Variants in ASNSD1 observed in about 807,000 individuals in gnomAD.
ASNSD1 encodes asparagine synthetase domain-containing protein 1.
A neutral mutation model predicts 48.3 loss-of-function variants in ASNSD1; 36 were observed. The ratio of observed to expected loss-of-function variants is 0.75; its 90% CI spans 0.57 to 0.99. The LOEUF is 0.99. ASNSD1 is among the 50% of genes least tolerant of loss of function. The pLI is 0.00. For missense variants in ASNSD1, 714 were observed against 758.2 expected (o/e 0.94, Z 0.69); for synonymous variants, 257 against 262.1 (o/e 0.98, Z 0.19).
At position 189,670,460 on chromosome 2, in the gene ASNSD1, A is replaced by G. The variant is rs374317961; in HGVS notation, c.1666A>G (p.Asn556Asp). The G allele has an allele frequency of 4.5e-5, 73 of 1,610,002 alleles. No homozygotes were observed. The highest frequency in any genetic ancestry group is 5.7e-5 in the Non-Finnish European group (67 of 1,177,842). ...TTTTAGATTTCCTTTCCTGGATGAA[A>G]ATGTTGTCTCCTTTCTAAATTCTCT... ...KEARFPFLDE[N>D]VVSFLNSLPI... Residue 556 changes from asparagine (N) to aspartate (D), a missense_variant, in exon 6 of 6, where the codon AAT (asparagine) becomes GAT (aspartate). Coordinates refer to ENST00000260952, the MANE Select transcript of ASNSD1 (RefSeq NM_019048.4).
In ASNSD1 at chr2:189,667,160, T is replaced by C; in HGVS notation, c.1028T>C (p.Ile343Thr). 1.2e-6 allele frequency: 2 copies of C among 1,614,224 alleles called. No homozygotes were observed. Reference sequence around the variant, plus strand: ...ATTGCAACCCTTGCTGACCGTCATATTCCTTTAGATGAACCAATTGATCTT... The same window carrying C: ...ATTGCAACCCTTGCTGACCGTCATACTCCTTTAGATGAACCAATTGATCTT... ...MVIATLADRH[I>T]PLDEPIDLLN... The change falls in exon 4 of 6, where the codon ATT becomes ACT. Residue 343 changes from isoleucine to threonine, a missense_variant. Physicochemically the swap from Ile to Thr is moderately conservative, Grantham distance 89. Transcript: ENST00000260952.
intron 3 of ASNSD1, 143 bp from the exon 4 acceptor site, chr2:189,665,898 T>G (rs887856261): frequency 4.8e-6 from 2 of 420,304 alleles, no homozygotes. Context: ...AGTAGCCTGT[T>G]GTTAATTATC....
In ASNSD1 at chr2:189,666,762, A is replaced by G. The variant is rs548573736; in HGVS notation, c.630A>G (p.Glu210=). 1 of 1,613,856 alleles carries G rather than the reference A, an allele frequency of 6.2e-7. No homozygotes were observed. ...KYISRENIIE[E]NVNSLSQISA... is the part of the protein sequence containing the mutation. ...TTTCTAGGGAGAATATTATTGAAGA[A>G]AATGTTAATAGCCTGAGTCAAATTT... The change falls in exon 4 of 6, where the codon GAA becomes GAG. Residue 210 remains glutamate, a synonymous_variant. Coordinates refer to ENST00000260952, the MANE Select transcript of ASNSD1 (RefSeq NM_019048.4).
At chr2:189,662,932 G>T in intron 1 of ASNSD1, among the ~76,000 whole-genome samples, 1 of 115,234 alleles carries the variant, frequency 8.7e-6, no homozygotes, top group East Asian at 2.7e-4. Flanking sequence ...CTGGGTAACA[G>T]AGCAAGACCC....
chr2:189,670,648 A>G lies in ASNSD1; in HGVS notation c.1854A>G (p.Glu618=). Reference sequence around the variant, plus strand: ...TTGCAAAAATGGAAAAAATTAATGAAAAGGCATCTGATAAATGTGGACGGC... The same window carrying G: ...TTGCAAAAATGGAAAAAATTAATGAGAAGGCATCTGATAAATGTGGACGGC... ...SRIAKMEKIN[E]KASDKCGRLQ... is the part of the protein sequence containing the mutation. Residue 618 remains glutamate (E), a synonymous_variant, in exon 6 of 6, where the codon GAA becomes GAG. Transcript: ENST00000260952. The G allele has an allele frequency of 6.2e-7, 1 of 1,613,962 alleles. No individual in the cohort carries two copies. The highest frequency in any genetic ancestry group is 8.5e-7 in the Non-Finnish European group (1 of 1,179,914).
chr2:189,667,995 G>A, intron 5 of ASNSD1, 50 bp downstream of exon 5: 1 of 1,526,822 alleles, frequency 6.5e-7, no homozygotes, highest in Non-Finnish European at 8.9e-7. Context: ...AAAAACAGCA[G>A]AGTGTAAATG....
rs746742216 is a variant in ASNSD1, at chr2:189,663,035, G to A, written c.-222-866G>A. 4.4e-4 allele frequency among the ~76,000 whole-genome samples: 66 copies of A among 151,472 alleles called. No individual in the cohort carries two copies. The Middle Eastern group carries it at 0.014, about 32-fold the overall frequency. ...TAAAAAGAGGGAAAAATACCAAGAT[G>A]GAACATGATAGGTCTTACTGTCCCC... is the stretch of plus-strand genomic sequence containing the variant. On this transcript the variant is annotated intron_variant, in intron 1 of 5. Transcript: ENST00000260952.
chr2:189,666,067 T>C lies in ASNSD1; in HGVS notation c.-66T>C, dbSNP rs1234763735. 15 of 1,447,000 alleles carry C rather than the reference T, an allele frequency of 1.0e-5. No individual in the cohort carries two copies. In the East Asian group the frequency reaches 3.5e-4, roughly 34 times the overall value. The allele number at this position is 1,447,000 out of a possible 1,614,324, so 89.6% of individuals were successfully genotyped here. A position where few individuals can be genotyped will look rare whatever the true frequency, so the allele number is the denominator to read the frequency against. On this transcript the variant is annotated 5_prime_UTR_variant, in exon 4 of 6. Coordinates refer to ENST00000260952, the MANE Select transcript of ASNSD1 (RefSeq NM_019048.4). ...TATATTGGATGAACTGAAAAAAGAA[T>C]ACCAAGAAATAGAAAACTTAGACAA...
In ASNSD1 at chr2:189,666,804, A is replaced by T; in HGVS notation, c.672A>T (p.Ala224=). The stretch of plus-strand genomic sequence containing the variant: ...GTCAAATTTCAGCAGACTTACCAGC[A>T]TTTGTATCAGTGGTAGCAAATGAAG... ...SLSQISADLP[A]FVSVVANEAK... The change falls in exon 4 of 6, where the codon GCA becomes GCT. Residue 224 remains alanine, a synonymous_variant. Transcript: ENST00000260952. The T allele has an allele frequency of 6.2e-7, 1 of 1,614,124 alleles. No individual in the cohort carries two copies. The highest frequency in any genetic ancestry group is 8.5e-7 in the Non-Finnish European group (1 of 1,179,960).
At chr2:189,669,514 G>A (rs919890498) in intron 5 of ASNSD1, among the ~76,000 whole-genome samples, 1 of 152,218 alleles carries the variant, frequency 6.6e-6, no homozygotes, top group African/African-American at 2.4e-5. Flanking sequence ...CATATTAACA[G>A]TAGTGTGTTG....
chr2:189,666,468 C>T lies in ASNSD1; in HGVS notation c.336C>T (p.Phe112=), dbSNP rs188664014. 330 of 1,613,784 alleles carry T rather than the reference C, an allele frequency of 2.0e-4. 2 individuals are homozygous for T. The East Asian group carries it at 6.0e-3, about 30-fold the overall frequency. Residue 112 remains phenylalanine (F), a synonymous_variant, in exon 4 of 6, where the codon TTC becomes TTT. Coordinates refer to ENST00000260952, the MANE Select transcript of ASNSD1 (RefSeq NM_019048.4). Reference sequence around the variant, plus strand: ...ATGAATCTGAGATTTTGTCACTCTTCTCAGAAGTACAAGGTCCCTGGTCAT... The same window carrying T: ...ATGAATCTGAGATTTTGTCACTCTTTTCAGAAGTACAAGGTCCCTGGTCAT... The part of the protein sequence containing the change: ...CKNESEILSL[F]SEVQGPWSFI...
chr2:189,664,129 A>G (rs2032734126), intron 2 of ASNSD1, among the ~76,000 whole-genome samples, 175 bp downstream of exon 2: 1 of 152,208 alleles, frequency 6.6e-6, no homozygotes, highest in Non-Finnish European at 1.5e-5. Context: ...GATAGATCTC[A>G]TAGCTGAAGA....
intron 5 of ASNSD1, among the ~76,000 whole-genome samples, chr2:189,669,815 C>G (rs748440034): frequency 7.2e-5 from 11 of 151,946 alleles, no homozygotes; most frequent in Non-Finnish European, 1.2e-4. Context: ...GGAAAAAAAT[C>G]TAATATTTTG....
chr2:189,667,473 C>T lies in ASNSD1; in HGVS notation c.1341C>T (p.His447=), dbSNP rs750043361. ...AATTAAGAAGAACTCGAATATGTCA[C>T]TTAATTCGGCCATTGGATACAGTTT... The part of the protein sequence containing the change: ...LQKLRRTRIC[H]LIRPLDTVLD... Residue 447 remains histidine (H), a synonymous_variant, in exon 4 of 6, where the codon CAC becomes CAT. Transcript: ENST00000260952. 5.0e-6 allele frequency: 8 copies of T among 1,614,080 alleles called. No individual in the cohort carries two copies. Among genetic ancestry groups the T allele is most frequent in the African/African-American group, 1.3e-5 (1 of 74,928 alleles).
chr2:189,663,236 TA>T (rs140996014), intron 1 of ASNSD1, among the ~76,000 whole-genome samples: 13,513 of 150,938 alleles, frequency 0.09, 994 homozygotes, highest in African/African-American at 0.2. Flanking sequence ...ATCATATATA[TA>T]TATTTTTTAA....
At chr2:189,665,644 A>ATATATATATATATATATATATATATG (rs1455945789) in intron 3 of ASNSD1, among the ~76,000 whole-genome samples, 193 bp downstream of exon 3, 50 of 123,730 alleles carry the variant, frequency 4.0e-4, no homozygotes, top group Non-Finnish European at 6.6e-4. Flanking sequence ...ATATATATAT[A>ATATATATATATATATATATATATATG]TATTATAAAT....
chr2:189,661,463 C>G lies in ASNSD1; in HGVS notation c.-370C>G, dbSNP rs141049165. 7 of 399,040 alleles carry G rather than the reference C, an allele frequency of 1.8e-5. No homozygotes were observed. Among genetic ancestry groups the G allele is most frequent in the Non-Finnish European group, 2.7e-5 (6 of 226,146 alleles). 24.7% of individuals were successfully genotyped at this position (399,040 alleles called of 1,614,324 possible). A position where few individuals can be genotyped will look rare whatever the true frequency, so the allele number is the denominator to read the frequency against. ...GGCTGGAAGCGCGCATGCGCTGTGG[C>G]TAATGCCGTAGGCTCCTTCAGGGCT... On this transcript the variant is annotated 5_prime_UTR_variant, in exon 1 of 6. Coordinates refer to ENST00000260952, the MANE Select transcript of ASNSD1 (RefSeq NM_019048.4).
chr2:189,670,801 C>A lies in ASNSD1; in HGVS notation c.*75C>A, dbSNP rs576510657. On this transcript the variant is annotated 3_prime_UTR_variant, in exon 6 of 6. Coordinates refer to ENST00000260952, the MANE Select transcript of ASNSD1 (RefSeq NM_019048.4). ...AAAAGTAAGATACTCTGCTGCTTTA[C>A]TATTGTATAACATAGTAGTTTTAAA... 8 of 1,079,646 alleles carry A rather than the reference C, an allele frequency of 7.4e-6. 1 individual carries two copies. In the South Asian group the frequency reaches 1.9e-4, roughly 25 times the overall value. The allele number at this position is 1,079,646 out of a possible 1,614,324, so 66.9% of individuals were successfully genotyped here.
At chr2:189,665,603 T>C (rs1234923228) in intron 3 of ASNSD1, among the ~76,000 whole-genome samples, 152 bp downstream of exon 3, 3 of 4,188 alleles carry the variant, frequency 7.2e-4, no homozygotes, top group African/African-American at 1.5e-3. Flanking sequence ...TATGTGTATA[T>C]ATATATATAT....
Sources: allele counts gnomAD v4.1 joint callset (sites outside exome capture counted in the v4.1 genomes callset), GRCh38; gene constraint gnomAD v4.1.1; transcripts MANE v1.5; gene names NCBI Gene and HGNC (gene_info 2026-07-23, HGNC 2026-07-21).